ANO4: variants seen among roughly 807,000 people sequenced by gnomAD.
The protein encoded by ANO4 is anoctamin-4.
In ANO4, 69 loss-of-function variants were observed where a neutral mutation model predicts 141.9. The observed-to-expected ratio is 0.49, with a 90% confidence interval of 0.40 to 0.59. ANO4 has a LOEUF of 0.59. Ranked by LOEUF, ANO4 falls within the 20% of genes least tolerant of loss-of-function variation. ANO4 has a pLI of 0.00. For missense variants in ANO4, 894 were observed against 1,162.2 expected (o/e 0.77, Z 3.36); for synonymous variants, 350 against 394.3 (o/e 0.89, Z 1.33).
At chr12:100,829,727 G>A (rs893252594) in intron 1 of ANO4, among the ~76,000 whole-genome samples, 2 of 152,022 alleles carry the variant, frequency 1.3e-5, no homozygotes, top group African/African-American at 2.4e-5. Context: ...GATTGTAATA[G>A]CATGGGCAAA....
At chr12:100,942,084 A>C (rs2042546433) in intron 4 of ANO4, among the ~76,000 whole-genome samples, 1 of 151,672 alleles carries the variant, frequency 6.6e-6, no homozygotes, top group East Asian at 1.9e-4. Flanking sequence ...AGGTTCAAGC[A>C]ATTCCCCTGC....
intron 1 of ANO4, among the ~76,000 whole-genome samples, chr12:100,889,012 T>C (rs1025039495): frequency 1.5e-4 from 22 of 149,472 alleles, no homozygotes; most frequent in African/African-American, 4.9e-4. Context: ...GTATATCTCC[T>C]AATGCTATCC....
At chr12:100,985,001 C>G (rs531713346) in intron 7 of ANO4, among the ~76,000 whole-genome samples, 200 of 152,208 alleles carry the variant, frequency 1.3e-3, no homozygotes, top group African/African-American at 4.7e-3. Context: ...CACACAGAGC[C>G]CAGATTCTGT....
intron 3 of ANO4, among the ~76,000 whole-genome samples, chr12:100,788,273 C>T (rs1439280061): frequency 6.6e-6 from 1 of 152,044 alleles, no homozygotes; most frequent in Non-Finnish European, 1.5e-5. Flanking sequence ...TGGACCAGAT[C>T]GATTTTAACA....
At position 101,083,686 on chromosome 12, in the gene ANO4, A is replaced by G. The variant is rs775741834; in HGVS notation, c.1404A>G (p.Ile468Met). 3 of 1,606,420 alleles carry G rather than the reference A, an allele frequency of 1.9e-6. No individual in the cohort carries two copies. The highest frequency in any genetic ancestry group is 2.5e-6 in the Non-Finnish European group (3 of 1,178,300). The change falls in exon 16 of 28, where the codon ATA becomes ATG. Residue 468 changes from isoleucine to methionine, a missense_variant. Physicochemically the swap from Ile to Met is conservative, Grantham distance 10. This residue lies in a region of ANO4 where 637 missense variants were observed against 909.2 expected (regional missense o/e 0.70). Transcript: ENST00000392977. ...LIDWEEEEEE[I>M]RPQFEAKYSK... The stretch of plus-strand genomic sequence containing the variant: ...GTCTGCTTGTCCTTTAGGAAGAAAT[A>G]CGACCCCAGTTTGAAGCCAAGTATT...
intron 1 of ANO4, among the ~76,000 whole-genome samples, chr12:100,826,002 A>G (rs2036318255): frequency 6.6e-6 from 1 of 152,066 alleles, no homozygotes; most frequent in South Asian, 2.1e-4. Flanking sequence ...TCACTGAGGA[A>G]TTTGAACCAA....
chr12:100,810,994 T>A (rs2035394685), intron 1 of ANO4, among the ~76,000 whole-genome samples: 1 of 152,180 alleles, frequency 6.6e-6, no homozygotes, highest in Admixed American at 6.5e-5. Flanking sequence ...GTAAATGGTG[T>A]CTACTCTTGA....
At chr12:100,978,915 A>C (rs1278088982) in intron 7 of ANO4, among the ~76,000 whole-genome samples, 1 of 152,198 alleles carries the variant, frequency 6.6e-6, no homozygotes, top group Non-Finnish European at 1.5e-5. Flanking sequence ...AGGCCTTTGG[A>C]ACTGATGGCA....
At chr12:100,865,735 G>T (rs971101360) in intron 1 of ANO4, among the ~76,000 whole-genome samples, 3 of 152,150 alleles carry the variant, frequency 2.0e-5, no homozygotes, top group Non-Finnish European at 2.9e-5. Context: ...CTCAAATTAG[G>T]ATAATTCAAG....
intron 1 of ANO4, among the ~76,000 whole-genome samples, chr12:100,827,644 A>G (rs563023311): frequency 1.3e-4 from 20 of 152,076 alleles, no homozygotes; most frequent in African/African-American, 4.1e-4. Flanking sequence ...ATAAATGTCA[A>G]TATTTGATGA....
At chr12:100,977,216 CTTCTA>C (rs1228456137) in intron 7 of ANO4, among the ~76,000 whole-genome samples, 4 of 151,836 alleles carry the variant, frequency 2.6e-5, no homozygotes, top group African/African-American at 4.8e-5. Flanking sequence ...GAAGGGTATC[CTTCTA>C]TTCTTTCTGT....
chr12:100,913,817 G>A (rs1488590173), intron 2 of ANO4, among the ~76,000 whole-genome samples: 3 of 152,184 alleles, frequency 2.0e-5, no homozygotes, highest in African/African-American at 7.2e-5. Flanking sequence ...CTGACAGGCC[G>A]ATGCACAAGA....
At chr12:100,881,493 A>G (rs1481682142) in intron 1 of ANO4, among the ~76,000 whole-genome samples, 1 of 151,868 alleles carries the variant, frequency 6.6e-6, no homozygotes, top group Admixed American at 6.6e-5. Flanking sequence ...TTGGATAACA[A>G]ATAAGCCATA....
intron 4 of ANO4, among the ~76,000 whole-genome samples, chr12:100,939,934 A>G (rs74765711): frequency 0.081 from 12,364 of 151,940 alleles, 666 homozygotes; most frequent in African/African-American, 0.13. Context: ...AAAAATTAGT[A>G]TTTTTTTTGG....
intron 1 of ANO4, among the ~76,000 whole-genome samples, chr12:100,850,890 CA>C (rs2037836154): frequency 6.6e-6 from 1 of 151,954 alleles, no homozygotes; most frequent in Admixed American, 6.6e-5. Flanking sequence ...CATATTTTTT[CA>C]GGTTAAAAAT....
rs191572058 is a variant in ANO4, at chr12:101,057,786, C to A, written c.1312+9385C>A. ...AGCTCTTTGTCAGATGGATAGATTG[C>A]AAAAATTTTCTCCCATTCTATAGGT... On this transcript the variant is annotated intron_variant, in intron 14 of 27. Coordinates refer to ENST00000392977, the MANE Select transcript of ANO4 (RefSeq NM_001286615.2). 7.2e-5 allele frequency among the ~76,000 whole-genome samples: 11 copies of A among 152,258 alleles called. No homozygotes were observed. The East Asian group carries it at 2.1e-3, about 29-fold the overall frequency.
chr12:100,823,173 A>C (rs1432941383), intron 1 of ANO4, among the ~76,000 whole-genome samples: 3 of 152,060 alleles, frequency 2.0e-5, no homozygotes. Context: ...CATTTATTGC[A>C]GGCATAAAAA....
chr12:100,777,422 G>A (rs1426926410), intron 3 of ANO4, among the ~76,000 whole-genome samples: 1 of 151,328 alleles, frequency 6.6e-6, no homozygotes, highest in East Asian at 2.0e-4. Flanking sequence ...CCCAGCCCAC[G>A]TATCCTGATT....
intron 16 of ANO4, among the ~76,000 whole-genome samples, chr12:101,086,197 G>A (rs188958230): frequency 4.6e-5 from 7 of 151,804 alleles, no homozygotes; most frequent in East Asian, 3.9e-4. Flanking sequence ...TGCTTAGCCC[G>A]TTTGATGTAA....
Sources: allele counts gnomAD v4.1 joint callset (sites outside exome capture counted in the v4.1 genomes callset), GRCh38; gene constraint gnomAD v4.1.1; regional missense constraint gnomAD v4.1.1; transcripts MANE v1.5; gene names NCBI Gene and HGNC (gene_info 2026-07-23, HGNC 2026-07-21).